The following FBXL17 variants were observed in gnomAD, a reference collection of about 807,000 sequenced individuals.
FBXL17 encodes the protein F-box/LRR-repeat protein 17.
A neutral mutation model predicts 66.2 loss-of-function variants in FBXL17; 22 were observed. That is an observed-to-expected ratio of 0.33 (90% confidence interval 0.24 to 0.47). The LOEUF (loss-of-function observed/expected upper bound fraction) is 0.47. Among genes scored for constraint, FBXL17 ranks in the 20% least tolerant of loss-of-function variants. FBXL17 has a pLI of 1.00. For synonymous variants in FBXL17, 474 were observed against 400.5 expected (o/e 1.18, Z -2.19); for missense variants, 878 against 948.2 (o/e 0.93, Z 0.97).
At chr5:108,080,898 A>G (rs1402718503) in intron 6 of FBXL17, among the ~76,000 whole-genome samples, 1 of 152,208 alleles carries the variant, frequency 6.6e-6, no homozygotes, top group Non-Finnish European at 1.5e-5. Flanking sequence ...AATGTCTCTT[A>G]CCAGACCTAA....
intron 5 of FBXL17, among the ~76,000 whole-genome samples, chr5:108,195,991 TA>T (rs962460732): frequency 6.6e-6 from 1 of 152,112 alleles, no homozygotes; most frequent in African/African-American, 2.4e-5. Context: ...AGATGTCAAA[TA>T]AATTTAGGAG....
chr5:108,088,065 A>G (rs59356989), intron 6 of FBXL17, among the ~76,000 whole-genome samples: 18,274 of 152,230 alleles, frequency 0.12, 1,357 homozygotes, highest in East Asian at 0.17. Context: ...TGGGAAATAG[A>G]TATTTTCAAT....
chr5:108,161,148 T>C (rs1246025208), intron 6 of FBXL17, among the ~76,000 whole-genome samples: 1 of 123,810 alleles, frequency 8.1e-6, no homozygotes, highest in Non-Finnish European at 1.7e-5. Context: ...TGGGAATAAT[T>C]AATCAACAAA....
intron 1 of FBXL17, among the ~76,000 whole-genome samples, chr5:108,373,673 T>C (rs1292575250): frequency 2.6e-5 from 4 of 152,114 alleles, no homozygotes; most frequent in Non-Finnish European, 5.9e-5. Flanking sequence ...CCAGCACTTT[T>C]GGGAGGCTGT....
At chr5:108,065,549 C>T (rs1016442052) in intron 6 of FBXL17, among the ~76,000 whole-genome samples, 4 of 152,146 alleles carry the variant, frequency 2.6e-5, no homozygotes, top group Non-Finnish European at 5.9e-5. Flanking sequence ...GAAGGGAAGA[C>T]AATTCAAAAT....
rs552188304 is a variant in FBXL17, at chr5:108,272,423, G to A, written c.1507-48195C>T. ...GGCTGGATTGCAGTGGCACAATCTC[G>A]GCTCACTGTAGCCACCACCTTCCAG... On this transcript the variant is annotated intron_variant, in intron 4 of 8. Coordinates refer to ENST00000542267, the MANE Select transcript of FBXL17 (RefSeq NM_001163315.3). Among the ~76,000 whole-genome samples, 59 of 150,626 alleles carry A rather than the reference G, an allele frequency of 3.9e-4. 1 individual carries two copies. Among genetic ancestry groups the A allele is most frequent in the African/African-American group, 1.4e-3 (56 of 40,940 alleles).
chr5:108,088,067 A>G (rs1749038953), intron 6 of FBXL17, among the ~76,000 whole-genome samples: 1 of 152,214 alleles, frequency 6.6e-6, no homozygotes, highest in South Asian at 2.1e-4. Flanking sequence ...GGAAATAGAT[A>G]TTTTCAATCA....
intron 6 of FBXL17, among the ~76,000 whole-genome samples, chr5:108,082,811 CAT>C (rs1022755703): frequency 4.6e-5 from 7 of 152,076 alleles, no homozygotes; most frequent in Admixed American, 3.3e-4. Context: ...TTGCTGTGAT[CAT>C]ATGTTTGGCC....
chr5:108,047,364 CCA>C, intron 6 of FBXL17, among the ~76,000 whole-genome samples: 1 of 152,316 alleles, frequency 6.6e-6, no homozygotes, highest in African/African-American at 2.4e-5. Context: ...GGTCCCAACC[CCA>C]GAGTGACGCA....
chr5:107,949,866 C>T (rs542355893), intron 7 of FBXL17, among the ~76,000 whole-genome samples: 19 of 152,278 alleles, frequency 1.2e-4, no homozygotes, highest in Non-Finnish European at 2.6e-4. Flanking sequence ...GAAACAGGAG[C>T]GAAATCCAAG....
chr5:107,925,415 T>C (rs1750493897), intron 7 of FBXL17, among the ~76,000 whole-genome samples: 1 of 152,182 alleles, frequency 6.6e-6, no homozygotes, highest in Admixed American at 6.6e-5. Context: ...CCATATTCCT[T>C]CAACGATCAC....
At chr5:108,174,142 T>C (rs1230019224) in intron 6 of FBXL17, among the ~76,000 whole-genome samples, 1 of 152,154 alleles carries the variant, frequency 6.6e-6, no homozygotes, top group Non-Finnish European at 1.5e-5. Flanking sequence ...ATTAGATAAT[T>C]CTAACTGAAA....
intron 6 of FBXL17, among the ~76,000 whole-genome samples, chr5:108,166,581 T>G (rs1417831505): frequency 6.6e-6 from 1 of 152,200 alleles, no homozygotes; most frequent in Non-Finnish European, 1.5e-5. Flanking sequence ...TGATTTGATA[T>G]GTTAACAAAG....
At chr5:108,261,440 C>A (rs2150126061) in intron 4 of FBXL17, among the ~76,000 whole-genome samples, 1 of 152,110 alleles carries the variant, frequency 6.6e-6, no homozygotes, top group South Asian at 2.1e-4. Context: ...ATTTCTAAAT[C>A]TTCCAGAAAG....
chr5:108,329,202 T>C (rs1561532526), intron 4 of FBXL17, among the ~76,000 whole-genome samples: 1 of 151,940 alleles, frequency 6.6e-6, no homozygotes, highest in Non-Finnish European at 1.5e-5. Flanking sequence ...CAAGTAGAAA[T>C]AAAAATTAAG....
intron 6 of FBXL17, among the ~76,000 whole-genome samples, chr5:108,025,886 G>T (rs994078161): frequency 2.0e-5 from 3 of 151,744 alleles, no homozygotes; most frequent in African/African-American, 7.3e-5. Flanking sequence ...GATAGCAGAG[G>T]TCACCAAAAC....
chr5:108,259,462 T>C (rs1054619294), intron 4 of FBXL17, among the ~76,000 whole-genome samples: 1 of 152,278 alleles, frequency 6.6e-6, no homozygotes, highest in South Asian at 2.1e-4. Flanking sequence ...GGAAGTAAAG[T>C]TGTTTACATT....
chr5:107,905,190 A>G (rs2112538188), intron 7 of FBXL17, among the ~76,000 whole-genome samples: 1 of 152,280 alleles, frequency 6.6e-6, no homozygotes, highest in East Asian at 1.9e-4. Context: ...AGATGAGAAA[A>G]ATTTCAATTT....
intron 6 of FBXL17, among the ~76,000 whole-genome samples, chr5:108,037,362 TCA>T (rs1274018948): frequency 6.6e-6 from 1 of 152,300 alleles, no homozygotes; most frequent in African/African-American, 2.4e-5. Flanking sequence ...AAGGAAAATA[TCA>T]CAGTTTGTCA....
Sources: gnomAD v4.1 joint callset for allele counts (sites outside exome capture counted in the v4.1 genomes callset) on GRCh38, gnomAD v4.1.1 for gene constraint, MANE v1.5 for transcripts, NCBI Gene and HGNC (gene_info 2026-07-23, HGNC 2026-07-21) for gene names.